The following DAAM1 variants were observed in gnomAD, a reference collection of about 807,000 sequenced individuals.
The protein encoded by DAAM1 is dishevelled associated activator of morphogenesis 1.
A neutral mutation model predicts 130.0 loss-of-function variants in DAAM1; 52 were observed. That is an observed-to-expected ratio of 0.40 (90% CI 0.32 to 0.50). DAAM1 has a LOEUF of 0.50. DAAM1 is among the 20% of genes least tolerant of loss of function. DAAM1 has a pLI of 0.61. For synonymous variants in DAAM1, 452 were observed against 444.5 expected, an observed-to-expected ratio of 1.02 and a Z score of -0.21; for missense variants, 1,134 against 1,303.8, an observed-to-expected ratio of 0.87 and a Z score of 2.01.
intron 1 of DAAM1, among the ~76,000 whole-genome samples, chr14:59,196,150 C>T (rs1210805890): frequency 6.6e-6 from 1 of 152,144 alleles, no homozygotes; most frequent in African/African-American, 2.4e-5. Flanking sequence ...GATCTTTTTC[C>T]TTTCTTGGCA....
At chr14:59,263,109 A>T (rs1357043389) in intron 1 of DAAM1, among the ~76,000 whole-genome samples, 1 of 152,226 alleles carries the variant, frequency 6.6e-6, no homozygotes, top group Non-Finnish European at 1.5e-5. Context: ...AAGAAGAGTA[A>T]CAAGAACAAA....
At chr14:59,217,203 G>A (rs112839082) in intron 1 of DAAM1, among the ~76,000 whole-genome samples, 9,085 of 152,036 alleles carry the variant, frequency 0.06, 376 homozygotes, top group Non-Finnish European at 0.089. Context: ...GCTTGGAGAG[G>A]CAGCCTGCTT....
At chr14:59,265,316 C>T (rs1367121305) in intron 2 of DAAM1, 1 of 152,232 alleles carries the variant, frequency 6.6e-6, no homozygotes, top group Non-Finnish European at 1.5e-5. Context: ...TACCAGTGTA[C>T]TTACGCTTTA....
intron 1 of DAAM1, among the ~76,000 whole-genome samples, chr14:59,210,635 T>C (rs549776548): frequency 6.6e-6 from 1 of 152,350 alleles, no homozygotes; most frequent in South Asian, 2.1e-4. Context: ...CTCCTCATTA[T>C]CTGGAGGGAA....
intron 22 of DAAM1, 53 bp downstream of exon 22, chr14:59,360,915 T>G (rs1232215783): frequency 1.3e-6 from 2 of 1,553,230 alleles, no homozygotes; most frequent in Non-Finnish European, 1.8e-6. Context: ...CTATCTCTAG[T>G]GCTGGTGGTT....
chr14:59,247,271 A>G (rs1881431279), intron 1 of DAAM1, among the ~76,000 whole-genome samples: 2 of 152,134 alleles, frequency 1.3e-5, no homozygotes, highest in Non-Finnish European at 2.9e-5. Context: ...TGCTAGTACC[A>G]TGCTGTTTTG....
chr14:59,244,907 G>C (rs560975589), intron 1 of DAAM1, among the ~76,000 whole-genome samples: 1 of 152,338 alleles, frequency 6.6e-6, no homozygotes, highest in East Asian at 1.9e-4. Flanking sequence ...CTAGTAGCCA[G>C]GTTAGCAAGA....
intron 2 of DAAM1, among the ~76,000 whole-genome samples, chr14:59,288,860 A>AGAGAGAGAGAGAGAGAGAGAGAGAGC (rs1018804753): frequency 2.4e-4 from 35 of 143,988 alleles, no homozygotes; most frequent in African/African-American, 8.1e-4. Flanking sequence ...AGAGAGAGAG[A>AGAGAGAGAGAGAGAGAGAGAGAGAGC]GCGCGCGAAG....
chr14:59,256,107 T>G (rs1035567456), intron 1 of DAAM1, among the ~76,000 whole-genome samples: 1 of 152,236 alleles, frequency 6.6e-6, no homozygotes, highest in East Asian at 1.9e-4. Flanking sequence ...ATTAAAATAG[T>G]CTGCATATCA....
At chr14:59,321,691 T>C (rs1227604993) in intron 5 of DAAM1, among the ~76,000 whole-genome samples, 1 of 152,236 alleles carries the variant, frequency 6.6e-6, no homozygotes, top group Non-Finnish European at 1.5e-5. Context: ...GTGAAAAGCC[T>C]AGAAAATAAA....
At chr14:59,324,929 A>G (rs17096084) in intron 8 of DAAM1, among the ~76,000 whole-genome samples, 9,685 of 152,208 alleles carry the variant, frequency 0.064, 398 homozygotes, top group Non-Finnish European at 0.094. Context: ...CTATCATTTC[A>G]CTGAGTCTAA....
At chr14:59,238,432 C>T (rs539416092) in intron 1 of DAAM1, among the ~76,000 whole-genome samples, 5 of 152,104 alleles carry the variant, frequency 3.3e-5, no homozygotes, top group Non-Finnish European at 5.9e-5. Context: ...GTTCATGAGT[C>T]TCTCCTCAGC....
At chr14:59,216,391 T>C (rs774145503) in intron 1 of DAAM1, among the ~76,000 whole-genome samples, 1 of 152,180 alleles carries the variant, frequency 6.6e-6, no homozygotes, top group Admixed American at 6.5e-5. Flanking sequence ...CTGTATTTCA[T>C]AGAGTAGGCA....
At chr14:59,353,776 T>C in intron 18 of DAAM1, 100 bp from the exon 19 acceptor site, 4 of 1,017,556 alleles carry the variant, frequency 3.9e-6, no homozygotes, top group South Asian at 3.0e-5. Flanking sequence ...TGGGTGGGTA[T>C]TGGGGGAGGT....
intron 2 of DAAM1, among the ~76,000 whole-genome samples, chr14:59,277,932 TG>T (rs1174375825): frequency 2.0e-5 from 3 of 152,170 alleles, no homozygotes; most frequent in African/African-American, 7.2e-5. Context: ...TCCCCTCCCC[TG>T]TGGATGCCTG....
intron 1 of DAAM1, among the ~76,000 whole-genome samples, chr14:59,214,297 T>G (rs566749805): frequency 1.3e-3 from 197 of 152,364 alleles, no homozygotes; most frequent in Non-Finnish European, 2.3e-3. Context: ...TGAGGGATGT[T>G]AAATGTTTTG....
chr14:59,248,847 G>A (rs912656758), intron 1 of DAAM1, among the ~76,000 whole-genome samples: 17 of 152,054 alleles, frequency 1.1e-4, no homozygotes, highest in African/African-American at 3.9e-4. Context: ...GCAGTGGTGC[G>A]ATCTCGGCTC....
intron 2 of DAAM1, chr14:59,264,410 T>A (rs547101485): frequency 6.6e-6 from 1 of 152,208 alleles, no homozygotes; most frequent in Admixed American, 6.5e-5. Context: ...TTTTTTCAAA[T>A]CACTGCTTTG....
At chr14:59,254,708 A>G (rs1219105191) in intron 1 of DAAM1, among the ~76,000 whole-genome samples, 1 of 152,178 alleles carries the variant, frequency 6.6e-6, no homozygotes, top group African/African-American at 2.4e-5. Flanking sequence ...TGTCACGTGA[A>G]CAGCACAAAC....
Sources: gnomAD v4.1 joint callset for allele counts (sites outside exome capture counted in the v4.1 genomes callset) on GRCh38, gnomAD v4.1.1 for gene constraint, MANE v1.5 for transcripts, NCBI Gene and HGNC (gene_info 2026-07-23, HGNC 2026-07-21) for gene names.